The following ANO1 variants were observed in gnomAD, a reference collection of about 807,000 sequenced individuals.
ANO1 encodes anoctamin-1.
ANO1 carries 59 observed loss-of-function variants against 124.0 expected under a neutral mutation model. The ratio of observed to expected loss-of-function variants is 0.48; its 90% CI spans 0.39 to 0.59. The LOEUF (loss-of-function observed/expected upper bound fraction) is 0.59. Among genes scored for constraint, ANO1 ranks in the 20% least tolerant of loss-of-function variants. The probability of loss-of-function intolerance (pLI) is 0.00; values close to 1 mark genes in which losing one functional copy is unlikely to be tolerated. For missense variants in ANO1, 1,059 were observed against 1,328.0 expected (o/e 0.80, Z 3.15); for synonymous variants, 529 against 532.0 (o/e 0.99, Z 0.08).
At chr11:70,074,619 A>AT (rs201433976), upstream of ANO1, among the ~76,000 whole-genome samples, 1,822 of 152,294 alleles carry the variant, frequency 0.012, 31 homozygotes, top group African/African-American at 0.041. Context: ...TCCAGTTGAC[A>AT]TGCAGGTGAG....
intron 11 of ANO1, among the ~76,000 whole-genome samples, chr11:70,142,500 C>T (rs1240607477): frequency 6.6e-6 from 1 of 152,176 alleles, no homozygotes; most frequent in Non-Finnish European, 1.5e-5. Flanking sequence ...CTGCCGAGCA[C>T]TCTCGTGCAG....
chr11:70,044,782 T>C (rs1054243076), intron 1 of ANO1, among the ~76,000 whole-genome samples: 5 of 152,168 alleles, frequency 3.3e-5, no homozygotes, highest in African/African-American at 1.2e-4. Context: ...GCTGTTACGA[T>C]GATAAAGGCT....
At chr11:70,062,125 G>A (rs1399937830) in intron 1 of ANO1, among the ~76,000 whole-genome samples, 1 of 135,390 alleles carries the variant, frequency 7.4e-6, no homozygotes, top group Admixed American at 8.2e-5. Context: ...TGCCCAGGCT[G>A]GAGTGCAATG....
intron 1 of ANO1, among the ~76,000 whole-genome samples, chr11:70,031,907 G>A (rs1857008357): frequency 1.3e-5 from 2 of 152,158 alleles, no homozygotes; most frequent in South Asian, 2.1e-4. Context: ...AACTCCCGGG[G>A]CCCAGGGAAT....
chr11:70,182,435 C>G, intron 23 of ANO1, 67 bp from the exon 24 acceptor site: 1 of 1,362,578 alleles, frequency 7.3e-7, no homozygotes, highest in Non-Finnish European at 9.8e-7. Flanking sequence ...ATGGGTCACC[C>G]CCTGTTGCGG....
At chr11:70,125,219 T>G (rs1163772119) in intron 9 of ANO1, among the ~76,000 whole-genome samples, 1 of 152,174 alleles carries the variant, frequency 6.6e-6, no homozygotes, top group Admixed American at 6.5e-5. Flanking sequence ...GGTGCATGCC[T>G]ATAGTCCCAG....
At chr11:70,184,835 C>G (rs2049048985) in intron 24 of ANO1, among the ~76,000 whole-genome samples, 1 of 152,142 alleles carries the variant, frequency 6.6e-6, no homozygotes, top group South Asian at 2.1e-4. Flanking sequence ...CAACCTCAAC[C>G]TCCCGGGCTC....
intron 1 of ANO1, among the ~76,000 whole-genome samples, chr11:70,025,766 G>A (rs1350252252): frequency 4.7e-5 from 7 of 148,548 alleles, no homozygotes; most frequent in Non-Finnish European, 8.9e-5. Flanking sequence ...TGGTGGTGAC[G>A]ATGATGATGG....
intron 8 of ANO1, among the ~76,000 whole-genome samples, chr11:70,117,310 ATCCACCCTCCTTAGCCTC>A (rs2046023188): frequency 6.6e-6 from 1 of 151,598 alleles, no homozygotes; most frequent in Non-Finnish European, 1.5e-5. Flanking sequence ...ACCTCAAATG[ATCCACCCTCCTTAGCCTC>A]CCAAAGTGCT....
the ANO1 span, among the ~76,000 whole-genome samples, chr11:69,973,602 G>A: frequency 2.4e-4 from 36 of 152,172 alleles, no homozygotes; most frequent in African/African-American, 6.5e-4. Context: ...AGCCGGGCGC[G>A]GTGGCTCATG....
At chr11:70,063,587 G>A (rs1240802968) in intron 1 of ANO1, 2 of 152,128 alleles carry the variant, frequency 1.3e-5, no homozygotes, top group Non-Finnish European at 2.9e-5. Context: ...GCCCCTAAGA[G>A]GACCACTGTG....
At chr11:70,010,110 T>C (rs1479835645) in intron 1 of ANO1, among the ~76,000 whole-genome samples, 1 of 149,922 alleles carries the variant, frequency 6.7e-6, no homozygotes, top group African/African-American at 2.5e-5. Flanking sequence ...TTTCATTTCT[T>C]TTTATGGCGG....
intron 1 of ANO1, among the ~76,000 whole-genome samples, chr11:70,066,134 CTGAA>C (rs1255131014): frequency 3.9e-5 from 6 of 152,128 alleles, no homozygotes; most frequent in South Asian, 2.1e-4. Flanking sequence ...AGAAGTGTCG[CTGAA>C]TGAATGAATG....
chr11:70,152,250 A>G (rs2047629696), intron 12 of ANO1, among the ~76,000 whole-genome samples, 200 bp from the exon 13 acceptor site: 3 of 147,714 alleles, frequency 2.0e-5, no homozygotes, highest in Non-Finnish European at 4.4e-5. Flanking sequence ...CAGGAGAATC[A>G]CTTGAACCCG....
intron 1 of ANO1, among the ~76,000 whole-genome samples, chr11:70,061,796 T>C (rs1857584899): frequency 1.3e-5 from 2 of 152,124 alleles, no homozygotes; most frequent in Admixed American, 1.3e-4. Flanking sequence ...AAGGAGTGAC[T>C]GTGACAGCTA....
intron 2 of ANO1, among the ~76,000 whole-genome samples, chr11:70,099,873 A>G (rs1268509645): frequency 6.6e-6 from 1 of 152,168 alleles, no homozygotes; most frequent in Non-Finnish European, 1.5e-5. Context: ...AGCCCAGGCC[A>G]CGCCGTCCCA....
At chr11:70,000,885 C>T (rs1488201692) in intron 1 of ANO1, among the ~76,000 whole-genome samples, 3 of 151,350 alleles carry the variant, frequency 2.0e-5, no homozygotes, top group Non-Finnish European at 4.4e-5. Context: ...ACAAATCACA[C>T]GTTGAACAAA....
intron 1 of ANO1, among the ~76,000 whole-genome samples, chr11:70,062,822 C>T (rs1159624897): frequency 1.3e-5 from 2 of 152,170 alleles, no homozygotes; most frequent in African/African-American, 2.4e-5. Context: ...ACTATCTAGA[C>T]GAGCACTCTG....
chr11:70,160,030 C>A (rs1422241199), intron 16 of ANO1, among the ~76,000 whole-genome samples: 1 of 152,142 alleles, frequency 6.6e-6, no homozygotes, highest in Non-Finnish European at 1.5e-5. Context: ...CTGAAAGCTG[C>A]AGACACCCTC....
Sources: gnomAD v4.1 joint callset for allele counts (sites outside exome capture counted in the v4.1 genomes callset) on GRCh38, gnomAD v4.1.1 for gene constraint, MANE v1.5 for transcripts, NCBI Gene and HGNC (gene_info 2026-07-23, HGNC 2026-07-21) for gene names.